DPYSL2: variants seen among roughly 807,000 people sequenced by gnomAD.
DPYSL2 encodes dihydropyrimidinase-related protein 2.
Under a neutral mutation model 69.9 loss-of-function variants are expected in DPYSL2, and 13 were observed. The observed-to-expected ratio is 0.19, with a 90% CI of 0.12 to 0.30. DPYSL2 has a LOEUF of 0.30. Among genes scored for constraint, DPYSL2 ranks in the 10% least tolerant of loss-of-function variants. The pLI, the probability that DPYSL2 is intolerant of heterozygous loss-of-function variation, is 1.00. For missense variants in DPYSL2, 587 were observed against 918.9 expected, an observed-to-expected ratio of 0.64 and a Z score of 4.67; for synonymous variants, 326 against 359.1, an observed-to-expected ratio of 0.91 and a Z score of 1.04.
rs763276948 is a variant in DPYSL2, at chr8:26,516,192, CTA to C, written c.354+1515_354+1516del. ...GGGAGTGTCTCATATCCATATTTCA[CTA>C]TGAGTCAACCAGAAGAAACTAAATC... On this transcript the variant is annotated intron_variant, in intron 1 of 13. Coordinates refer to ENST00000521913, the MANE Select transcript of DPYSL2 (RefSeq NM_001197293.3). The surrounding 1 kb of genome is among the most constrained non-coding windows in gnomAD (Gnocchi z 4.8). Among the ~76,000 whole-genome samples, 1 of 152,206 alleles carries C rather than the reference CTA, an allele frequency of 6.6e-6. No individual in the cohort carries two copies. Among genetic ancestry groups the C allele is most frequent in the Non-Finnish European group, 1.5e-5 (1 of 68,042 alleles).
intron 1 of DPYSL2, among the ~76,000 whole-genome samples, chr8:26,527,509 C>G (rs1276868885): frequency 6.6e-6 from 1 of 152,148 alleles, no homozygotes; most frequent in Admixed American, 6.6e-5. Flanking sequence ...TGGCCTCACT[C>G]TGATAACATA....
Position 26,655,629 on chromosome 8 carries a change from GACA to G in DPYSL2, c.1961_1963del (p.Asn654del). 6.2e-7 allele frequency: 1 copy of G among 1,609,362 alleles called. No homozygotes were observed. Among genetic ancestry groups the G allele is most frequent in the Non-Finnish European group, 8.5e-7 (1 of 1,177,940 alleles). On this transcript the variant is annotated inframe_deletion, in exon 14 of 14. Coordinates refer to ENST00000521913, the MANE Select transcript of DPYSL2 (RefSeq NM_001197293.3). The stretch of plus-strand genomic sequence containing the variant: ...TCTCCCTCCAGGTGCTCAGATTGAT[GACA>G]ACATTCCCCGCCGCACCACCCAGCG...
rs952303858 is a variant in DPYSL2, at chr8:26,587,188, A to C, written c.628+3205A>C. Among the ~76,000 whole-genome samples the C allele has an allele frequency of 7.2e-5, 11 of 152,208 alleles. No homozygotes were observed. The highest frequency in any genetic ancestry group is 7.2e-4 in the Admixed American group (11 of 15,282). On this transcript the variant is annotated intron_variant, in intron 3 of 13. Transcript: ENST00000521913. The surrounding 1 kb of genome is among the most constrained non-coding windows in gnomAD (Gnocchi z 4.2). ...GAGGCCTTGCAAAGAGAAATAGCTT[A>C]ATGCCACTTCATTGGCACCTAAGAC... is the stretch of plus-strand genomic sequence containing the variant.
chr8:26,652,265 G>C lies in DPYSL2; in HGVS notation c.1605G>C (p.Glu535Asp). The change falls in exon 12 of 14, where the codon GAG becomes GAC. Residue 535 changes from glutamate to aspartate, a missense_variant. By Grantham distance (45) the Glu-to-Asp change is conservative. Around this residue, in one of 3 missense-constraint regions of DPYSL2, gnomAD observed 452 missense variants for 754.3 expected, o/e 0.60. Coordinates refer to ENST00000521913, the MANE Select transcript of DPYSL2 (RefSeq NM_001197293.3). The surrounding 1 kb of genome is among the most constrained non-coding windows in gnomAD (Gnocchi z 6.3). The part of the protein sequence containing the change: ...ISAKTHNSSL[E>D]YNIFEGMECR... ...CTTTGCCTTCTTCTCAGTCTCTCGA[G>C]TACAACATCTTTGAAGGCATGGAGT... 2 of 1,613,526 alleles carry C rather than the reference G, an allele frequency of 1.2e-6. No homozygotes were observed. The highest frequency in any genetic ancestry group is 2.2e-5 in the East Asian group (1 of 44,860).
At chr8:26,612,874 T>A (rs1802263832) in intron 3 of DPYSL2, among the ~76,000 whole-genome samples, 1 of 152,222 alleles carries the variant, frequency 6.6e-6, no homozygotes. Context: ...ACATTCTGTC[T>A]GCACAGCAGC....
At chr8:26,530,067 G>A (rs1451972519) in intron 1 of DPYSL2, among the ~76,000 whole-genome samples, 4 of 137,098 alleles carry the variant, frequency 2.9e-5, no homozygotes, top group Middle Eastern at 5.4e-3. Flanking sequence ...AGCCGAGATC[G>A]TGCCATTGCA....
At position 26,587,874 on chromosome 8, in the gene DPYSL2, C is replaced by T. The variant is rs1330896000; in HGVS notation, c.628+3891C>T. Among the ~76,000 whole-genome samples, 1 of 152,178 alleles carries T rather than the reference C, an allele frequency of 6.6e-6. No individual in the cohort carries two copies. Among genetic ancestry groups the T allele is most frequent in the Admixed American group, 6.5e-5 (1 of 15,276 alleles). On this transcript the variant is annotated intron_variant, in intron 3 of 13. Transcript: ENST00000521913. The surrounding 1 kb of genome is among the most constrained non-coding windows in gnomAD (Gnocchi z 4.2). ...TCTAGGAAGCAGCTGGGAACAGTTA[C>T]CTCTATTTTATAGAGGGGAAGACTG...
chr8:26,574,259 T>A (rs186811154), intron 1 of DPYSL2, among the ~76,000 whole-genome samples: 2 of 151,718 alleles, frequency 1.3e-5, no homozygotes, highest in Admixed American at 1.3e-4. Context: ...GGCACACTGT[T>A]TTCAGGGGCA....
chr8:26,522,308 AAAACAAAC>A (rs60448291), intron 1 of DPYSL2, among the ~76,000 whole-genome samples: 38,206 of 151,202 alleles, frequency 0.25, 4,823 homozygotes, highest in South Asian at 0.37. Context: ...ACTCTGTCTC[AAAACAAAC>A]AAACAAACAA....
chr8:26,569,718 A>G (rs1801208943), intron 1 of DPYSL2, among the ~76,000 whole-genome samples: 1 of 152,150 alleles, frequency 6.6e-6, no homozygotes, highest in Admixed American at 6.5e-5. Flanking sequence ...GAAGAGTAGG[A>G]GTACATGGGC....
intron 7 of DPYSL2, among the ~76,000 whole-genome samples, chr8:26,628,613 C>CATG (rs1490564873): frequency 2.0e-5 from 3 of 152,188 alleles, no homozygotes; most frequent in African/African-American, 7.2e-5. Context: ...GGCTGGATGT[C>CATG]AGGCTCTAGG....
Position 26,514,299 on chromosome 8 carries a change from C to G in DPYSL2, c.-27C>G. The G allele has an allele frequency of 7.0e-7, 1 of 1,426,398 alleles. No individual in the cohort carries two copies. Among genetic ancestry groups the G allele is most frequent in the Non-Finnish European group, 9.2e-7 (1 of 1,091,718 alleles). The allele number at this position is 1,426,398 out of a possible 1,614,324, so 88.4% of individuals were successfully genotyped here. On this transcript the variant is annotated 5_prime_UTR_variant, in exon 1 of 14. Transcript: ENST00000521913. The surrounding 1 kb of genome is among the most constrained non-coding windows in gnomAD (Gnocchi z 8.4). ...GACTGGCAGACGGACGGACGGACGG[C>G]GAGGACCCTACCCGAGCCCCCGAGC...
rs1803008241 is a variant in DPYSL2 at position 26,640,138 on chromosome 8, C to T, written c.1127-3301C>T. Among the ~76,000 whole-genome samples the T allele has an allele frequency of 6.6e-6, 1 of 152,202 alleles. No homozygotes were observed. The highest frequency in any genetic ancestry group is 6.5e-5 in the Admixed American group (1 of 15,280). ...ACAGTTCCCACTTTGGATTTGTTCT[C>T]CTGCTTCTCGTCCATGGGAAATGAC... On this transcript the variant is annotated intron_variant, in intron 8 of 13. Transcript: ENST00000521913. This position sits in a 1 kb window ranked among gnomAD's most constrained non-coding sequence, Gnocchi z 4.2.
In DPYSL2 at chr8:26,654,652, A is replaced by AG. The variant is rs1226939130; in HGVS notation, c.1943-962dup. ...AGGATTAGGGGATTAGAATGCCAGA[A>AG]GAGGGCTATGTCCTCAGAAAAGCCA... On this transcript the variant is annotated intron_variant, in intron 13 of 13. Transcript: ENST00000521913. This position sits in a 1 kb window ranked among gnomAD's most constrained non-coding sequence, Gnocchi z 5.0. Among the ~76,000 whole-genome samples the AG allele has an allele frequency of 7.9e-5, 12 of 152,160 alleles. No homozygotes were observed. The highest frequency in any genetic ancestry group is 1.8e-4 in the Non-Finnish European group (12 of 68,030).
In DPYSL2 at chr8:26,565,725, A is replaced by G. The variant is rs1167955952; in HGVS notation, c.355-16244A>G. Among the ~76,000 whole-genome samples the G allele has an allele frequency of 6.6e-6, 1 of 152,208 alleles. No homozygotes were observed. The highest frequency in any genetic ancestry group is 2.4e-5 in the African/African-American group (1 of 41,452). On this transcript the variant is annotated intron_variant, in intron 1 of 13. Coordinates refer to ENST00000521913, the MANE Select transcript of DPYSL2 (RefSeq NM_001197293.3). The surrounding 1 kb of genome is among the most constrained non-coding windows in gnomAD (Gnocchi z 4.1). Reference sequence around the variant, plus strand: ...AAGGAGTTTATTTGTATATCACATAATAGTTCAAGGTGGGTGTTTCTGTTG... The same window carrying G: ...AAGGAGTTTATTTGTATATCACATAGTAGTTCAAGGTGGGTGTTTCTGTTG...
At chr8:26,561,144 T>C (rs1256189353) in intron 1 of DPYSL2, among the ~76,000 whole-genome samples, 1 of 152,120 alleles carries the variant, frequency 6.6e-6, no homozygotes, top group Non-Finnish European at 1.5e-5. Context: ...TTGATGCCCA[T>C]CGGATGTGGG....
intron 1 of DPYSL2, among the ~76,000 whole-genome samples, chr8:26,581,183 G>T (rs1801483918): frequency 6.6e-6 from 1 of 152,124 alleles, no homozygotes; most frequent in Admixed American, 6.6e-5. Flanking sequence ...CATATTGAAT[G>T]GAAACCTTGC....
chr8:26,634,653 C>T, intron 7 of DPYSL2, 127 bp from the exon 8 acceptor site: 1 of 1,514,554 alleles, frequency 6.6e-7, no homozygotes, highest in East Asian at 2.3e-5. Flanking sequence ...TGAATTGTCC[C>T]CTGGGGTAGG....
chr8:26,576,139 G>A (rs1191988706), intron 1 of DPYSL2, among the ~76,000 whole-genome samples: 2 of 152,166 alleles, frequency 1.3e-5, no homozygotes, highest in Non-Finnish European at 2.9e-5. Context: ...GTGAAACTTT[G>A]TGCGTGCCCT....
Sources: gnomAD v4.1 joint callset for allele counts (sites outside exome capture counted in the v4.1 genomes callset) on GRCh38, gnomAD v4.1.1 for gene constraint, gnomAD v4.1.1 regional missense constraint, Gnocchi (gnomAD v3.1) non-coding constraint, MANE v1.5 for transcripts, NCBI Gene and HGNC (gene_info 2026-07-23, HGNC 2026-07-21) for gene names.